FAIM2: variants seen among roughly 807,000 people sequenced by gnomAD.
The protein encoded by FAIM2 is Fas apoptotic inhibitory molecule 2.
FAIM2 carries 27 observed loss-of-function variants against 47.4 expected under a neutral mutation model. The observed-to-expected ratio is 0.57, with a 90% CI of 0.42 to 0.78. The LOEUF (loss-of-function observed/expected upper bound fraction) is 0.78. FAIM2 is among the 30% of genes least tolerant of loss of function. The pLI is 0.00. For missense variants in FAIM2, 311 were observed against 389.4 expected, an observed-to-expected ratio of 0.80 and a Z score of 1.69; for synonymous variants, 156 against 159.3, an observed-to-expected ratio of 0.98 and a Z score of 0.16.
intron 10 of FAIM2, among the ~76,000 whole-genome samples, chr12:49,887,677 G>A (rs981800628): frequency 2.6e-5 from 4 of 152,140 alleles, no homozygotes; most frequent in South Asian, 2.1e-4. Flanking sequence ...GAGCCTGGTC[G>A]TTCTTCCCGC....
chr12:49,896,491 C>T (rs1333604450), intron 5 of FAIM2, among the ~76,000 whole-genome samples: 1 of 152,160 alleles, frequency 6.6e-6, no homozygotes, highest in South Asian at 2.1e-4. Flanking sequence ...AGCTGTGTGA[C>T]CTTGGGCAAA....
intron 7 of FAIM2, 90 bp downstream of exon 7, chr12:49,890,593 C>T: frequency 8.0e-7 from 1 of 1,253,552 alleles, no homozygotes; most frequent in Non-Finnish European, 1.2e-6. Context: ...ACATCCCCAG[C>T]CCAGTCTTCC....
intron 8 of FAIM2, 109 bp downstream of exon 8, chr12:49,890,008 G>A (rs1300540948): frequency 2.7e-6 from 3 of 1,097,766 alleles, no homozygotes; most frequent in South Asian, 2.6e-5. Context: ...GAGCCCCCGG[G>A]CCCATCCACA....
chr12:49,893,914 A>G (rs1486276712), intron 5 of FAIM2, among the ~76,000 whole-genome samples: 1 of 152,196 alleles, frequency 6.6e-6, no homozygotes, highest in Non-Finnish European at 1.5e-5. Context: ...TGTGGGTTCT[A>G]TCTCGCCAGC....
At chr12:49,893,886 T>C (rs1161680966) in intron 5 of FAIM2, among the ~76,000 whole-genome samples, 3 of 152,190 alleles carry the variant, frequency 2.0e-5, no homozygotes, top group Non-Finnish European at 4.4e-5. Flanking sequence ...CTAATAATAA[T>C]ACCCTTGTCC....
chr12:49,897,251 C>T (rs1740968368), intron 4 of FAIM2, among the ~76,000 whole-genome samples, 167 bp from the exon 5 acceptor site: 1 of 152,178 alleles, frequency 6.6e-6, no homozygotes. Context: ...CCGGCTGGGA[C>T]CTGCAGGTGC....
chr12:49,868,090 T>C lies in FAIM2; in HGVS notation c.*2414A>G, dbSNP rs1452648621. 6.5e-6 allele frequency: 1 copy of C among 152,846 alleles called. No individual in the cohort carries two copies. The highest frequency in any genetic ancestry group is 1.5e-5 in the Non-Finnish European group (1 of 68,448). 9.5% of individuals were successfully genotyped at this position (152,846 alleles called of 1,614,324 possible). On this transcript the variant is annotated 3_prime_UTR_variant, in exon 12 of 12. Coordinates refer to ENST00000320634, the MANE Select transcript of FAIM2 (RefSeq NM_012306.4). ...AATCCCCAGTTTCTGCAGTAACTTATCCCAGGGAGAGGAGAACTTGGACAA... is the reference window on the plus strand; with the variant it reads ...AATCCCCAGTTTCTGCAGTAACTTACCCCAGGGAGAGGAGAACTTGGACAA...
chr12:49,887,540 C>T, intron 10 of FAIM2, 101 bp from the exon 11 acceptor site: 1 of 1,037,790 alleles, frequency 9.6e-7, no homozygotes, highest in Non-Finnish European at 1.5e-6. Context: ...CACGGGGTAG[C>T]CCTGCCCAGA....
intron 5 of FAIM2, among the ~76,000 whole-genome samples, chr12:49,893,915 T>G (rs113574291): frequency 0.01 from 1,571 of 152,292 alleles, 25 homozygotes; most frequent in African/African-American, 0.036. Context: ...GTGGGTTCTA[T>G]CTCGCCAGCC....
At chr12:49,899,844 T>C (rs143419885) in intron 2 of FAIM2, among the ~76,000 whole-genome samples, 1 of 152,362 alleles carries the variant, frequency 6.6e-6, no homozygotes, top group Non-Finnish European at 1.5e-5. Context: ...GCGAACCCTG[T>C]GCCCTGGCAC....
intron 11 of FAIM2, among the ~76,000 whole-genome samples, chr12:49,880,167 T>TGTTTCTGTGTGC (rs146657856): frequency 7.0e-6 from 1 of 143,416 alleles, no homozygotes. Flanking sequence ...TGCATGTGTG[T>TGTTTCTGTGTGC]ATGTGTGTGT....
intron 11 of FAIM2, 149 bp downstream of exon 11, chr12:49,887,237 A>AACAAAC (rs1297103576): frequency 1.4e-6 from 1 of 695,774 alleles, no homozygotes; most frequent in Non-Finnish European, 2.5e-6. Flanking sequence ...ATGAACAAAC[A>AACAAAC]AACAAACGCA....
At chr12:49,897,769 C>A (rs532574986) in intron 3 of FAIM2, among the ~76,000 whole-genome samples, 186 bp from the exon 4 acceptor site, 66 of 151,454 alleles carry the variant, frequency 4.4e-4, no homozygotes, top group Admixed American at 5.9e-4. Context: ...AGCGCACCCC[C>A]CCCCAGCATT....
intron 5 of FAIM2, 31 bp downstream of exon 5, chr12:49,897,000 G>A (rs1168579422): frequency 6.3e-7 from 1 of 1,585,754 alleles, no homozygotes; most frequent in Non-Finnish European, 8.7e-7. Context: ...AGCCTTCTCT[G>A]GAAGGGGACT....
Position 49,889,450 on chromosome 12 carries a change from G to C in FAIM2, c.651+31C>G. ...CCTTCCCCTGCTCAGCCTCAGGCCA[G>C]GGGTCCCTGCCTGCAGGCCCCAGAG... On this transcript the variant is annotated intron_variant, in intron 9 of 11. Coordinates refer to ENST00000320634, the MANE Select transcript of FAIM2 (RefSeq NM_012306.4). The C allele has an allele frequency of 2.5e-6, 4 of 1,597,356 alleles. No individual in the cohort carries two copies. The South Asian group carries it at 3.3e-5, about 13-fold the overall frequency.
At chr12:49,873,951 A>G (rs1314968627) in intron 11 of FAIM2, among the ~76,000 whole-genome samples, 3 of 152,370 alleles carry the variant, frequency 2.0e-5, no homozygotes, top group South Asian at 2.1e-4. Flanking sequence ...GGCAAAAGAC[A>G]TGATCAGAGA....
rs754554071 is a variant in FAIM2, at chr12:49,897,104, GGAGA to G, written c.381-24_381-21del. ...GGGTCACTGCAGAGAAGAGAGAGTG[GGAGA>G]GAGAGTCAGAATGTACCCTAGGTCT... On this transcript the variant is annotated intron_variant, in intron 4 of 11. Transcript: ENST00000320634. 1.9e-6 allele frequency: 3 copies of G among 1,604,072 alleles called. No individual in the cohort carries two copies. The Admixed American group carries it at 5.0e-5, about 27-fold the overall frequency.
At chr12:49,878,852 ATGTGTGTGTCTG>A (rs1565613589) in intron 11 of FAIM2, among the ~76,000 whole-genome samples, 3 of 104,056 alleles carry the variant, frequency 2.9e-5, no homozygotes, top group African/African-American at 4.3e-5. Context: ...GCATGTGTGT[ATGTGTGTGTCTG>A]TGCATGTGAG....
At chr12:49,890,216 C>T (rs930938977) in intron 7 of FAIM2, 62 bp from the exon 8 acceptor site, 18 of 1,520,644 alleles carry the variant, frequency 1.2e-5, no homozygotes, top group South Asian at 1.1e-4. Flanking sequence ...CAGGCACCCT[C>T]GAGGTCCAGC....
Sources: gnomAD v4.1 joint callset for allele counts (sites outside exome capture counted in the v4.1 genomes callset) on GRCh38, gnomAD v4.1.1 for gene constraint, MANE v1.5 for transcripts, NCBI Gene and HGNC (gene_info 2026-07-23, HGNC 2026-07-21) for gene names.